The following SEPTIN10 variants were observed in gnomAD, a reference collection of about 807,000 sequenced individuals.
SEPTIN10 encodes septin-10.
SEPTIN10 carries 66 observed loss-of-function variants against 54.8 expected under a neutral mutation model. The observed-to-expected ratio is 1.21, with a 90% CI of 0.99 to 1.48. SEPTIN10 has a LOEUF of 1.48. Ranked by LOEUF, SEPTIN10 falls within the 40% of genes most tolerant of loss-of-function variation. The pLI, the probability that SEPTIN10 is intolerant of heterozygous loss-of-function variation, is 0.00. For missense variants in SEPTIN10, 620 were observed against 545.6 expected, an observed-to-expected ratio of 1.14 and a Z score of -1.36; for synonymous variants, 161 against 181.0, an observed-to-expected ratio of 0.89 and a Z score of 0.89.
chr2:109,544,475 G>A, intron 10 of SEPTIN10, 151 bp from the exon 11 acceptor site: 2 of 1,373,638 alleles, frequency 1.5e-6, no homozygotes, highest in Non-Finnish European at 1.9e-6. Context: ...ATATTTTCTT[G>A]AAGATAAATT....
At position 109,613,881 on chromosome 2, in the gene SEPTIN10, T is replaced by C; in HGVS notation, c.-54A>G. ...CTGTATCAGCCCGGCCCCGAGCGGCTGGTCCCGGCGACGGCGGCGGGAAGG... is the reference window on the plus strand; with the variant it reads ...CTGTATCAGCCCGGCCCCGAGCGGCCGGTCCCGGCGACGGCGGCGGGAAGG... On this transcript the variant is annotated 5_prime_UTR_variant, in exon 1 of 11. Transcript: ENST00000397712. 6.5e-6 allele frequency: 8 copies of C among 1,224,644 alleles called. No individual in the cohort carries two copies. Among genetic ancestry groups the C allele is most frequent in the Non-Finnish European group, 8.1e-6 (8 of 984,130 alleles). The allele number at this position is 1,224,644 out of a possible 1,614,324, so 75.9% of individuals were successfully genotyped here.
intron 5 of SEPTIN10, among the ~76,000 whole-genome samples, chr2:109,569,014 T>C (rs762605341): frequency 6.6e-6 from 1 of 152,230 alleles, no homozygotes; most frequent in Non-Finnish European, 1.5e-5. Context: ...AAAAGACTGA[T>C]AGCTCCACAA....
At chr2:109,596,106 G>A (rs1695241217) in intron 1 of SEPTIN10, among the ~76,000 whole-genome samples, 1 of 152,018 alleles carries the variant, frequency 6.6e-6, no homozygotes, top group Non-Finnish European at 1.5e-5. Flanking sequence ...ATCACAGCTC[G>A]CTGCAGCCTC....
Position 109,585,144 on chromosome 2 carries a change from T to C in SEPTIN10, c.395A>G (p.Gln132Arg), listed in dbSNP as rs1224375768. The C allele has an allele frequency of 7.6e-6, 12 of 1,578,796 alleles. No individual in the cohort carries two copies. Among genetic ancestry groups the C allele is most frequent in the Non-Finnish European group, 9.4e-6 (11 of 1,165,020 alleles). The stretch of plus-strand genomic sequence containing the variant: ...CACATACCTCTCTTCTTTATTTATT[T>C]GGTCACCAAATCCCACTGTATTCAC... The part of the protein sequence containing the change: ...TIVNTVGFGD[Q>R]INKEESYQPI... Residue 132 changes from glutamine to arginine, a missense_variant, in exon 4 of 11, where the codon CAA becomes CGA. By Grantham distance (43) the Gln-to-Arg change is conservative (BLOSUM62 1). Transcript: ENST00000397712.
intron 2 of SEPTIN10, among the ~76,000 whole-genome samples, chr2:109,592,448 G>A (rs571422851): frequency 6.6e-6 from 1 of 151,548 alleles, no homozygotes; most frequent in Non-Finnish European, 1.5e-5. Flanking sequence ...CTGGGCGACA[G>A]AGCAAAGCTC....
rs1467551926 is a variant in SEPTIN10 at position 109,543,618 on chromosome 2, A to G, written c.*691T>C. ...ATATAAAAAAGGTTCATCTTGGAAT[A>G]TAAATGTAATCAGATAGCCACGATA... is the stretch of plus-strand genomic sequence containing the variant. On this transcript the variant is annotated 3_prime_UTR_variant, in exon 11 of 11. Transcript: ENST00000397712. 1 of 152,286 alleles carries G rather than the reference A, an allele frequency of 6.6e-6. No homozygotes were observed. The highest frequency in any genetic ancestry group is 1.5e-5 in the Non-Finnish European group (1 of 68,076). 9.4% of individuals were successfully genotyped at this position (152,286 alleles called of 1,614,324 possible). A position where few individuals can be genotyped will look rare whatever the true frequency, so the allele number is the denominator to read the frequency against.
chr2:109,595,248 C>T (rs1039780930), intron 1 of SEPTIN10, among the ~76,000 whole-genome samples: 4 of 152,200 alleles, frequency 2.6e-5, no homozygotes, highest in Admixed American at 1.3e-4. Context: ...TTGGAAGATG[C>T]TCCTATTTAA....
chr2:109,581,695 CA>C (rs2105675286), intron 4 of SEPTIN10, among the ~76,000 whole-genome samples: 2 of 152,116 alleles, frequency 1.3e-5, no homozygotes, highest in African/African-American at 4.8e-5. Context: ...AACAATCCAA[CA>C]AATAAGTTAA....
rs189232632 is a variant in SEPTIN10 at position 109,607,572 on chromosome 2, C to T, written c.30+6226G>A. Among the ~76,000 whole-genome samples, 293 of 152,174 alleles carry T rather than the reference C, an allele frequency of 1.9e-3. 1 individual carries two copies. The highest frequency in any genetic ancestry group is 6.5e-3 in the African/African-American group (271 of 41,512). ...GTATATTCTTTAGTACTGGATTCCT[C>T]CCATTAGGGAGAACTTAATTACCTG... On this transcript the variant is annotated intron_variant, in intron 1 of 10. Transcript: ENST00000397712.
chr2:109,586,906 C>T (rs1171333532), intron 2 of SEPTIN10, among the ~76,000 whole-genome samples: 2 of 152,056 alleles, frequency 1.3e-5, no homozygotes, highest in African/African-American at 4.8e-5. Context: ...AATTTAATTG[C>T]CTGTTAGAAC....
chr2:109,603,310 C>T (rs1697084625), intron 1 of SEPTIN10, among the ~76,000 whole-genome samples: 1 of 152,010 alleles, frequency 6.6e-6, no homozygotes, highest in African/African-American at 2.4e-5. Flanking sequence ...TCTCGGCTCA[C>T]TGCAAGCCCC....
chr2:109,563,815 T>C (rs1029550584), intron 8 of SEPTIN10, among the ~76,000 whole-genome samples: 2 of 152,192 alleles, frequency 1.3e-5, no homozygotes, highest in Non-Finnish European at 2.9e-5. Context: ...GAAAATGTTT[T>C]AGTTTATTTT....
intron 1 of SEPTIN10, among the ~76,000 whole-genome samples, chr2:109,595,440 C>G (rs925232239): frequency 6.6e-6 from 1 of 152,084 alleles, no homozygotes; most frequent in African/African-American, 2.4e-5. Flanking sequence ...TCTGAAAGGC[C>G]CCCCAGTCCC....
rs1680543843 is a variant in SEPTIN10, at chr2:109,544,093, T to C, written c.*216A>G. ...TTTTGAAGCTTCTGGATTTCAGATT[T>C]TTGAATTAGAGATGCTCAACTTGTA... On this transcript the variant is annotated 3_prime_UTR_variant, in exon 11 of 11. Coordinates refer to ENST00000397712, the MANE Select transcript of SEPTIN10 (RefSeq NM_144710.5). 6.9e-7 allele frequency: 1 copy of C among 1,455,530 alleles called. No homozygotes were observed. The highest frequency in any genetic ancestry group is 9.2e-7 in the Non-Finnish European group (1 of 1,087,372). 90.2% of individuals were successfully genotyped at this position (1,455,530 alleles called of 1,614,324 possible).
chr2:109,545,757 A>T (rs994101871), intron 10 of SEPTIN10: 1 of 1,427,432 alleles, frequency 7.0e-7, no homozygotes, highest in Non-Finnish European at 9.1e-7. Flanking sequence ...CAATAAGAGC[A>T]GCCATTTTCC....
Position 109,567,952 on chromosome 2 carries a change from T to C in SEPTIN10, c.625A>G (p.Lys209Glu), listed in dbSNP as rs896311797. 6 of 1,612,034 alleles carry C rather than the reference T, an allele frequency of 3.7e-6. No homozygotes were observed. Among genetic ancestry groups the C allele is most frequent in the East Asian group, 4.5e-5 (2 of 44,854 alleles). Residue 209 changes from lysine to glutamate, a missense_variant, in exon 6 of 11, where the codon AAA becomes GAA. Transcript: ENST00000397712. ...TCAGTTTTAGAAACCGTATCTGCTT[T>C]GGCAATCACTGGTATAATGTTTACC... is the stretch of plus-strand genomic sequence containing the variant. Reference protein sequence around the residue: ...SKVNIIPVIAKADTVSKTELQ... With the variant: ...SKVNIIPVIAEADTVSKTELQ...
chr2:109,606,472 A>G (rs1697983233), intron 1 of SEPTIN10, among the ~76,000 whole-genome samples: 1 of 152,110 alleles, frequency 6.6e-6, no homozygotes, highest in African/African-American at 2.4e-5. Context: ...TGCCATGGTG[A>G]ATGCACTTCA....
chr2:109,574,466 A>AAAAAAAAG (rs1491151441), intron 5 of SEPTIN10, 115 bp downstream of exon 5: 1 of 573,010 alleles, frequency 1.7e-6, no homozygotes. Flanking sequence ...AAAAAAAAAA[A>AAAAAAAAG]TTTAAAAAAG....
intron 1 of SEPTIN10, among the ~76,000 whole-genome samples, chr2:109,602,901 C>CA (rs34841715): frequency 0.22 from 24,338 of 110,276 alleles, 2,537 homozygotes; most frequent in South Asian, 0.28. Context: ...GACCCTGTCT[C>CA]AAAAAAAAAA....
Sources: allele counts gnomAD v4.1 joint callset (sites outside exome capture counted in the v4.1 genomes callset), GRCh38; gene constraint gnomAD v4.1.1; transcripts MANE v1.5; gene names NCBI Gene and HGNC (gene_info 2026-07-23, HGNC 2026-07-21).